The following MS4A4E variants were observed in gnomAD, a reference collection of about 807,000 sequenced individuals.
MS4A4E encodes membrane spanning 4-domains A4E.
MS4A4E carries 23 observed loss-of-function variants against 13.3 expected under a neutral mutation model. The ratio of observed to expected loss-of-function variants is 1.73; its 90% CI spans 1.25 to 2.45. MS4A4E has a LOEUF of 2.45. Ranked by LOEUF, MS4A4E falls within the 30% of genes most tolerant of loss-of-function variation. MS4A4E has a pLI of 0.00. For missense variants in MS4A4E, 144 were observed against 131.2 expected, an observed-to-expected ratio of 1.10 and a Z score of -0.48; for synonymous variants, 36 against 45.6, an observed-to-expected ratio of 0.79 and a Z score of 0.85.
At chr11:60,228,884 G>T (rs1357045006) in intron 2 of MS4A4E, among the ~76,000 whole-genome samples, 2 of 152,224 alleles carry the variant, frequency 1.3e-5, no homozygotes, top group African/African-American at 4.8e-5. Flanking sequence ...TTCTGGAAAA[G>T]GCAAACTATG....
chr11:60,221,258 A>G (rs113482318), intron 3 of MS4A4E, among the ~76,000 whole-genome samples: 1 of 1,552 alleles, frequency 6.4e-4, no homozygotes. Flanking sequence ...TGTCTAGCCA[A>G]AAGTGGGGCA....
chr11:60,222,488 T>G (rs574619190), intron 3 of MS4A4E, among the ~76,000 whole-genome samples: 1 of 152,204 alleles, frequency 6.6e-6, no homozygotes, highest in African/African-American at 2.4e-5. Context: ...TTTTCAGGGC[T>G]GGGGCAATGT....
At chr11:60,237,746 A>G (rs1264206099) in intron 1 of MS4A4E, among the ~76,000 whole-genome samples, 1 of 152,088 alleles carries the variant, frequency 6.6e-6, no homozygotes, top group Non-Finnish European at 1.5e-5. Flanking sequence ...CCGCATGTAC[A>G]TCTTATTTTG....
rs142977337 is a variant in MS4A4E, at chr11:60,203,098, C to A, written c.660-1219G>T. 5.0e-3 allele frequency among the ~76,000 whole-genome samples: 768 copies of A among 152,268 alleles called. 4 individuals are homozygous for A. Among genetic ancestry groups the A allele is most frequent in the African/African-American group, 0.017 (687 of 41,554 alleles). Reference sequence around the variant, plus strand: ...TAAAAATCAGAATTCTGTGGACACACTTATCTGTTTCTTTTCCTGAATATT... The same window carrying A: ...TAAAAATCAGAATTCTGTGGACACAATTATCTGTTTCTTTTCCTGAATATT... On this transcript the variant is annotated intron_variant, in intron 8 of 8. Transcript: ENST00000651255.
chr11:60,206,758 C>T, intron 6 of MS4A4E: 1 of 232,712 alleles, frequency 4.3e-6, no homozygotes. Flanking sequence ...AATCAGAATG[C>T]CATAGGTGAG....
chr11:60,232,627 C>CAG (rs1311692671), intron 1 of MS4A4E, among the ~76,000 whole-genome samples: 1 of 151,980 alleles, frequency 6.6e-6, no homozygotes, highest in Admixed American at 6.6e-5. Flanking sequence ...GCTCAGCTGA[C>CAG]AGAGCTACCT....
At chr11:60,222,824 G>A (rs1428770459) in intron 3 of MS4A4E, among the ~76,000 whole-genome samples, 2 of 152,140 alleles carry the variant, frequency 1.3e-5, no homozygotes, top group Admixed American at 1.3e-4. Context: ...GAGTTACAGT[G>A]TTGGCTAGGG....
In MS4A4E at chr11:60,234,424, C is replaced by T. The variant is rs547593139; in HGVS notation, c.-16-4353G>A. Reference sequence around the variant, plus strand: ...ATTGTAACAGTTTTAAGAGGTGTGACCTTTCAGAGGTAATTACACCCAGAG... The same window carrying T: ...ATTGTAACAGTTTTAAGAGGTGTGATCTTTCAGAGGTAATTACACCCAGAG... On this transcript the variant is annotated intron_variant, in intron 1 of 8. Coordinates refer to ENST00000651255, the MANE Select transcript of MS4A4E (RefSeq NM_001393391.1). Among the ~76,000 whole-genome samples the T allele has an allele frequency of 9.9e-5, 15 of 152,234 alleles. No individual in the cohort carries two copies. In the South Asian group the frequency reaches 2.7e-3, roughly 27 times the overall value.
intron 5 of MS4A4E, among the ~76,000 whole-genome samples, chr11:60,210,330 T>C (rs2084104027): frequency 6.6e-6 from 1 of 152,082 alleles, no homozygotes; most frequent in Middle Eastern, 3.2e-3. Flanking sequence ...GGAGGTCCCC[T>C]GCTATAAAAA....
At chr11:60,231,748 T>C (rs998465844) in intron 1 of MS4A4E, among the ~76,000 whole-genome samples, 4 of 152,100 alleles carry the variant, frequency 2.6e-5, no homozygotes, top group African/African-American at 9.7e-5. Context: ...CTATCAAAGT[T>C]AGTAGTAAAG....
At chr11:60,210,479 C>T (rs780831636) in intron 5 of MS4A4E, among the ~76,000 whole-genome samples, 25 of 152,164 alleles carry the variant, frequency 1.6e-4, no homozygotes, top group Admixed American at 1.4e-3. Flanking sequence ...TTGAGCTATA[C>T]GAAACTGCTG....
rs753364779 is a variant in MS4A4E at position 60,214,626 on chromosome 11, A to C, written c.179-12T>G. On this transcript the variant is annotated splice_polypyrimidine_tract_variant and intron_variant, in intron 3 of 8. Transcript: ENST00000651255. Reference sequence around the variant, plus strand: ...AACTGATAAGGATACTGAAATAATAAAATAAGAATGAGAGAAAAAAATGGA... The same window carrying C: ...AACTGATAAGGATACTGAAATAATACAATAAGAATGAGAGAAAAAAATGGA... 8 of 1,507,994 alleles carry C rather than the reference A, an allele frequency of 5.3e-6. No homozygotes were observed. The Admixed American group carries it at 1.5e-4, about 28-fold the overall frequency. The allele number at this position is 1,507,994 out of a possible 1,614,324, so 93.4% of individuals were successfully genotyped here. A position where few individuals can be genotyped will look rare whatever the true frequency, so the allele number is the denominator to read the frequency against.
chr11:60,209,375 T>C (rs1471784955), intron 5 of MS4A4E, among the ~76,000 whole-genome samples: 2 of 152,140 alleles, frequency 1.3e-5, no homozygotes, highest in Non-Finnish European at 2.9e-5. Context: ...CCAAGAAAGG[T>C]AGGCAGCCTA....
rs1287807849 is a variant in MS4A4E at position 60,205,721 on chromosome 11, C to T, written c.583G>A (p.Val195Ile). The part of the protein sequence containing the change: ...KRLNVDVDST[V>I]WCSGDGQYLE... ...AAAGTCCACATTATTTACCACCATACAGTACTGTCGACATCAACATTTAGT... is the reference window on the plus strand; with the variant it reads ...AAAGTCCACATTATTTACCACCATATAGTACTGTCGACATCAACATTTAGT... Residue 195 changes from valine (V) to isoleucine (I), a missense_variant, in exon 7 of 9, where the codon GTA (valine) becomes ATA (isoleucine). This residue lies in a region of MS4A4E where 21 missense variants were observed against 25.1 expected (regional missense o/e 0.84). Coordinates refer to ENST00000651255, the MANE Select transcript of MS4A4E (RefSeq NM_001393391.1). Among the ~76,000 whole-genome samples the T allele has an allele frequency of 1.3e-5, 2 of 152,210 alleles. No homozygotes were observed. Among genetic ancestry groups the T allele is most frequent in the Non-Finnish European group, 2.9e-5 (2 of 68,036 alleles).
At chr11:60,223,773 G>C (rs2084305064) in intron 3 of MS4A4E, among the ~76,000 whole-genome samples, 1 of 152,154 alleles carries the variant, frequency 6.6e-6, no homozygotes, top group African/African-American at 2.4e-5. Flanking sequence ...TCAAACATCA[G>C]ATTTCAAGTT....
intron 1 of MS4A4E, among the ~76,000 whole-genome samples, chr11:60,231,827 A>T (rs770505693): frequency 6.6e-6 from 1 of 152,206 alleles, no homozygotes; most frequent in Non-Finnish European, 1.5e-5. Context: ...ATTGGATTCC[A>T]TAAAGAAGGA....
At chr11:60,218,745 C>T (rs928230901) in intron 3 of MS4A4E, among the ~76,000 whole-genome samples, 6 of 152,108 alleles carry the variant, frequency 3.9e-5, no homozygotes, top group African/African-American at 1.4e-4. Context: ...AGGTGAGGTT[C>T]AGAATGCGAT....
rs1335550843 is a variant in MS4A4E at position 60,214,572 on chromosome 11, A to G, written c.221T>C (p.Leu74Pro). The change falls in exon 4 of 9, where the codon CTG (leucine) becomes CCG (proline). Residue 74 changes from leucine to proline, a missense_variant and splice_region_variant. Around this residue, in one of 3 missense-constraint regions of MS4A4E, gnomAD observed 119 missense variants for 88.7 expected, o/e 1.34. Transcript: ENST00000651255. The stretch of plus-strand genomic sequence containing the variant: ...TACCCCCCACAAAACATTACTCACC[A>G]GACCTTTTGTTGTTCTAATTCCTGC... The part of the protein sequence containing the change: ...VAAGIRTTKG[L>P]VGGSLGKNIT... The G allele has an allele frequency of 6.6e-7, 1 of 1,524,480 alleles. No homozygotes were observed. 94.4% of individuals were successfully genotyped at this position (1,524,480 alleles called of 1,614,324 possible).
At position 60,242,965 on chromosome 11, in the gene MS4A4E, C is replaced by T. The variant is rs2084569343; in HGVS notation, c.-24G>A. 4.4e-6 allele frequency: 7 copies of T among 1,578,532 alleles called. No individual in the cohort carries two copies. The South Asian group carries it at 7.8e-5, about 18-fold the overall frequency. ...GCAAGTCCCTGGACCTACCTTTCTT[C>T]AGGCCTGCAATGTCTGCTGCAGGTC... On this transcript the variant is annotated 5_prime_UTR_variant, in exon 1 of 9. Transcript: ENST00000651255.
Sources: allele counts gnomAD v4.1 joint callset (sites outside exome capture counted in the v4.1 genomes callset), GRCh38; gene constraint gnomAD v4.1.1; regional missense constraint gnomAD v4.1.1; transcripts MANE v1.5; gene names NCBI Gene and HGNC (gene_info 2026-07-23, HGNC 2026-07-21).